Variants in SRGAP2 observed in about 807,000 individuals in gnomAD.
The protein encoded by SRGAP2 is SLIT-ROBO Rho GTPase-activating protein 2.
In SRGAP2, 15 loss-of-function variants were observed where a neutral mutation model predicts 57.2. That is an observed-to-expected ratio of 0.26 (90% confidence interval 0.18 to 0.40). SRGAP2 has a LOEUF of 0.40. SRGAP2 is among the 10% of genes least tolerant of loss of function. The pLI, the probability that SRGAP2 is intolerant of heterozygous loss-of-function variation, is 1.00. For missense variants in SRGAP2, 520 were observed against 669.6 expected (o/e 0.78, Z 2.47); for synonymous variants, 249 against 248.0 (o/e 1.00, Z -0.04).
chr1:206,237,882 T>G (rs1668000445), intron 2 of SRGAP2, among the ~76,000 whole-genome samples: 1 of 107,420 alleles, frequency 9.3e-6, no homozygotes, highest in African/African-American at 3.6e-5. Flanking sequence ...TTTCTCTCCT[T>G]TTTGCCTCTA....
rs544777518 is a variant in SRGAP2 at position 206,360,096 on chromosome 1, G to A, written c.423+17088G>A. On this transcript the variant is annotated intron_variant, in intron 4 of 22. Transcript: ENST00000573034. ...GCTGGGATTACAGGCGTGAGCCACC[G>A]CGCCCGGCCGATATTGCTCTTTTAT... is the stretch of plus-strand genomic sequence containing the variant. 3.9e-5 allele frequency among the ~76,000 whole-genome samples: 6 copies of A among 152,208 alleles called. No individual in the cohort carries two copies. In the East Asian group the frequency reaches 5.8e-4, roughly 15 times the overall value.
chr1:206,423,906 C>G (rs1410745870), intron 13 of SRGAP2, among the ~76,000 whole-genome samples: 11 of 150,802 alleles, frequency 7.3e-5, no homozygotes, highest in African/African-American at 2.7e-4. Flanking sequence ...TCCTGAGTAG[C>G]TGGGACTACA....
intron 2 of SRGAP2, among the ~76,000 whole-genome samples, chr1:206,233,398 T>G (rs529657378): frequency 6.6e-6 from 1 of 152,274 alleles, no homozygotes; most frequent in South Asian, 2.1e-4. Context: ...TCTTGCTTCC[T>G]GGTAGCCTGC....
At chr1:206,332,568 A>T (rs1198571004) in intron 3 of SRGAP2, among the ~76,000 whole-genome samples, 3 of 146,292 alleles carry the variant, frequency 2.1e-5, no homozygotes, top group African/African-American at 8.0e-5. Context: ...TTCATCTTCC[A>T]TTGCTGATAC....
At chr1:206,266,547 G>A (rs1156803240) in intron 2 of SRGAP2, among the ~76,000 whole-genome samples, 2 of 152,038 alleles carry the variant, frequency 1.3e-5, no homozygotes, top group Non-Finnish European at 2.9e-5. Flanking sequence ...CCGACCTTCT[G>A]TATTTTTTAT....
chr1:206,377,554 AC>A (rs1380556439), intron 4 of SRGAP2, among the ~76,000 whole-genome samples: 1 of 64,186 alleles, frequency 1.6e-5, no homozygotes, highest in Admixed American at 1.6e-4. Flanking sequence ...TGGTGTGGAA[AC>A]CTCTTGGCTG....
At chr1:206,310,020 AG>A (rs1233047505) in intron 3 of SRGAP2, among the ~76,000 whole-genome samples, 25 of 150,756 alleles carry the variant, frequency 1.7e-4, no homozygotes, top group African/African-American at 6.1e-4. Context: ...TGATGGAACT[AG>A]AAGTGTTTTA....
chr1:206,413,521 A>AG (rs1659397964), intron 10 of SRGAP2, among the ~76,000 whole-genome samples: 1 of 152,224 alleles, frequency 6.6e-6, no homozygotes, highest in Non-Finnish European at 1.5e-5. Flanking sequence ...GATCATGAAT[A>AG]AGGCAGTAGA....
At chr1:206,351,814 GC>G (rs1302250888) in intron 4 of SRGAP2, among the ~76,000 whole-genome samples, 1 of 152,110 alleles carries the variant, frequency 6.6e-6, no homozygotes, top group Non-Finnish European at 1.5e-5. Context: ...GGTGGTCCAG[GC>G]TTTTATTTAG....
chr1:206,434,893 T>C (rs1384380890), intron 14 of SRGAP2, among the ~76,000 whole-genome samples: 1 of 152,274 alleles, frequency 6.6e-6, no homozygotes, highest in Non-Finnish European at 1.5e-5. Flanking sequence ...CTTCACCAAC[T>C]AGAACATAGT....
intron 10 of SRGAP2, among the ~76,000 whole-genome samples, chr1:206,410,168 A>G (rs1553359006): frequency 6.6e-6 from 1 of 152,018 alleles, no homozygotes. Context: ...TGGACCCACC[A>G]CTCTGGTTAC....
intron 14 of SRGAP2, among the ~76,000 whole-genome samples, chr1:206,432,622 A>C (rs1553368686): frequency 6.6e-6 from 1 of 152,208 alleles, no homozygotes; most frequent in East Asian, 1.9e-4. Flanking sequence ...ACTAATATGG[A>C]GAGATTCCCA....
At position 206,454,155 on chromosome 1, in the gene SRGAP2, G is replaced by C. The variant is rs782155240; in HGVS notation, c.2361-723G>C. 100 of 702,380 alleles carry C rather than the reference G, an allele frequency of 1.4e-4. No individual in the cohort carries two copies. The highest frequency in any genetic ancestry group is 2.2e-4 in the Non-Finnish European group (85 of 385,004). 43.5% of individuals were successfully genotyped at this position (702,380 alleles called of 1,614,324 possible). ...ATTATTTTTTAAAGGTTGATATCCT[G>C]AGTGAGTCTGCACCCTCCCAGCCTC... is the stretch of plus-strand genomic sequence containing the variant. On this transcript the variant is annotated intron_variant, in intron 20 of 22. Coordinates refer to ENST00000573034, the MANE Select transcript of SRGAP2 (RefSeq NM_015326.5). The surrounding 1 kb of genome is among the most constrained non-coding windows in gnomAD (Gnocchi z 4.3).
chr1:206,447,386 G>A (rs995996331), intron 18 of SRGAP2, among the ~76,000 whole-genome samples: 4 of 152,194 alleles, frequency 2.6e-5, no homozygotes. Flanking sequence ...GACCCCCACA[G>A]AACAGCCTCT....
At chr1:206,312,367 C>G (rs536745417) in intron 3 of SRGAP2, 1 of 152,150 alleles carries the variant, frequency 6.6e-6, no homozygotes, top group Non-Finnish European at 1.5e-5. Flanking sequence ...TCTTACAGTT[C>G]TAAGTGATTG....
chr1:206,454,793 G>T lies in SRGAP2; in HGVS notation c.2361-85G>T. 1 of 663,286 alleles carries T rather than the reference G, an allele frequency of 1.5e-6. No individual in the cohort carries two copies. The allele number at this position is 663,286 out of a possible 1,614,324, so 41.1% of individuals were successfully genotyped here. On this transcript the variant is annotated intron_variant, in intron 20 of 22. Transcript: ENST00000573034. The surrounding 1 kb of genome is among the most constrained non-coding windows in gnomAD (Gnocchi z 4.3). Reference sequence around the variant, plus strand: ...AGCTGTGTGGGGTCGCGTGTATGTCGGGGGGCCATCTTGCCGATTTAACGC... The same window carrying T: ...AGCTGTGTGGGGTCGCGTGTATGTCTGGGGGCCATCTTGCCGATTTAACGC...
intron 2 of SRGAP2, among the ~76,000 whole-genome samples, chr1:206,262,651 A>G (rs1553313796): frequency 6.7e-6 from 1 of 149,200 alleles, no homozygotes; most frequent in African/African-American, 2.5e-5. Flanking sequence ...TCTGGCAGGA[A>G]TGAAATCTTG....
At chr1:206,298,405 C>G (rs1307194796) in intron 2 of SRGAP2, among the ~76,000 whole-genome samples, 39 of 152,336 alleles carry the variant, frequency 2.6e-4, no homozygotes, top group Non-Finnish European at 2.1e-4. Flanking sequence ...CTCCTTTTGG[C>G]TCCTGTTTGT....
intron 2 of SRGAP2, among the ~76,000 whole-genome samples, chr1:206,245,185 G>A (rs532430342): frequency 2.2e-5 from 3 of 138,752 alleles, no homozygotes; most frequent in Non-Finnish European, 4.7e-5. Flanking sequence ...ACCTGGCTTG[G>A]AAAAGAATGA....
Sources: gnomAD v4.1 joint callset for allele counts (sites outside exome capture counted in the v4.1 genomes callset) on GRCh38, gnomAD v4.1.1 for gene constraint, Gnocchi (gnomAD v3.1) non-coding constraint, MANE v1.5 for transcripts, NCBI Gene and HGNC (gene_info 2026-07-23, HGNC 2026-07-21) for gene names.